Variants in TRIM5 observed in about 807,000 individuals in gnomAD.
TRIM5 encodes tripartite motif-containing protein 5.
Under a neutral mutation model 35.6 loss-of-function variants are expected in TRIM5, and 31 were observed. That is an observed-to-expected ratio of 0.87 (90% CI 0.65 to 1.18). The LOEUF is 1.18. Ranked by LOEUF, TRIM5 falls within the 50% of genes most tolerant of loss-of-function variation. TRIM5 has a pLI of 0.00. For synonymous variants in TRIM5, 243 were observed against 215.6 expected, an observed-to-expected ratio of 1.13 and a Z score of -1.11; for missense variants, 609 against 591.6, an observed-to-expected ratio of 1.03 and a Z score of -0.31.
At chr11:5,678,778 C>T (rs761154779) in intron 3 of TRIM5, among the ~76,000 whole-genome samples, 1 of 152,114 alleles carries the variant, frequency 6.6e-6, no homozygotes, top group Non-Finnish European at 1.5e-5. Context: ...AATCATGAGC[C>T]ATTGCCAAAT....
chr11:5,663,116 C>A, downstream of TRIM5: 1 of 569,288 alleles, frequency 1.8e-6, no homozygotes, highest in South Asian at 7.9e-5. Context: ...CAGAGACAAA[C>A]CCTGTCTCAA....
chr11:5,613,027 A>C, the TRIM5 span: 1 of 152,166 alleles, frequency 6.6e-6, no homozygotes, highest in African/African-American at 2.4e-5. Flanking sequence ...TTGTATTTCT[A>C]TTGGACAACT....
chr11:5,632,531 A>T, the TRIM5 span: 2 of 1,614,000 alleles, frequency 1.2e-6, no homozygotes, highest in Non-Finnish European at 1.7e-6. Flanking sequence ...TCATTTGAAC[A>T]TCTACAGGCT....
At chr11:5,628,433 G>T in the TRIM5 span, among the ~76,000 whole-genome samples, 3 of 152,252 alleles carry the variant, frequency 2.0e-5, no homozygotes, top group African/African-American at 7.2e-5. Context: ...TTGTAGCCAG[G>T]GGCTACCAGT....
the TRIM5 span, among the ~76,000 whole-genome samples, chr11:5,630,138 CTA>C: frequency 6.6e-6 from 1 of 152,004 alleles, no homozygotes; most frequent in South Asian, 2.1e-4. Flanking sequence ...TTCCAGGGCC[CTA>C]CAGAGAATAT....
Position 5,665,059 on chromosome 11 carries a change from CT to C in TRIM5, c.1231del (p.Ser411ValfsTer21). The stretch of plus-strand genomic sequence containing the variant: ...ATGGAAGGAACTATCCTGGAAAGCA[CT>C]ACATTTAACTCCTTCCTCTAACCCT... ...VIGLEEGVKC[S>X]AFQDSSFHTP... On this transcript the variant is annotated frameshift_variant, in exon 8 of 8. Transcript: ENST00000380034. LOFTEE classifies it low-confidence loss of function (END_TRUNC). 6.2e-7 allele frequency: 1 copy of C among 1,614,080 alleles called. No individual in the cohort carries two copies. Among genetic ancestry groups the C allele is most frequent in the Non-Finnish European group, 8.5e-7 (1 of 1,180,014 alleles).
the TRIM5 span, among the ~76,000 whole-genome samples, chr11:5,602,520 G>C: frequency 1.3e-5 from 2 of 151,882 alleles, no homozygotes; most frequent in African/African-American, 4.8e-5. Flanking sequence ...TCTGATAAGG[G>C]AATAGGTAGG....
rs536990268 is a variant in TRIM5, at chr11:5,669,103, C to T, written c.745-1392G>A. On this transcript the variant is annotated intron_variant, in intron 4 of 7. Coordinates refer to ENST00000380034, the MANE Select transcript of TRIM5 (RefSeq NM_033034.3). Reference sequence around the variant, plus strand: ...TTCTTTTTTTTTTTTTTTTTTGATACGGGGTTTCGCTCGTTTCCCAGGCTG... The same window carrying T: ...TTCTTTTTTTTTTTTTTTTTTGATATGGGGTTTCGCTCGTTTCCCAGGCTG... Among the ~76,000 whole-genome samples the T allele has an allele frequency of 1.5e-4, 17 of 116,800 alleles. No homozygotes were observed. The South Asian group carries it at 2.5e-3, about 17-fold the overall frequency. The allele number at this position is 116,800 out of a possible 152,430, so 76.6% of individuals were successfully genotyped here.
At chr11:5,593,478 T>A in the TRIM5 span, among the ~76,000 whole-genome samples, 3 of 152,162 alleles carry the variant, frequency 2.0e-5, no homozygotes, top group African/African-American at 7.2e-5. Flanking sequence ...TCAAAGAAAA[T>A]ATATTCGAGC....
At chr11:5,657,038 A>G in the TRIM5 span, among the ~76,000 whole-genome samples, 1 of 152,204 alleles carries the variant, frequency 6.6e-6, no homozygotes, top group Non-Finnish European at 1.5e-5. Flanking sequence ...ACTATTCACA[A>G]TAGCAAAGAT....
chr11:5,676,218 G>A (rs1851968500), intron 4 of TRIM5, among the ~76,000 whole-genome samples: 1 of 152,074 alleles, frequency 6.6e-6, no homozygotes, highest in African/African-American at 2.4e-5. Context: ...TATATACCCA[G>A]TAATGGGATG....
At chr11:5,679,269 A>T (rs1310554413) in intron 2 of TRIM5, 100 bp from the exon 3 acceptor site, 7 of 1,041,776 alleles carry the variant, frequency 6.7e-6, no homozygotes, top group Non-Finnish European at 1.0e-5. Context: ...AGAAGAAACA[A>T]ATTTGCAGAA....
At chr11:5,682,595 C>G (rs1852573953) in intron 1 of TRIM5, among the ~76,000 whole-genome samples, 1 of 152,190 alleles carries the variant, frequency 6.6e-6, no homozygotes, top group Non-Finnish European at 1.5e-5. Flanking sequence ...ATCTTGACCC[C>G]TGACCAGATC....
the TRIM5 span, chr11:5,643,110 T>C: frequency 1.8e-6 from 2 of 1,103,984 alleles, no homozygotes; most frequent in Non-Finnish European, 2.3e-6. Context: ...ATTATATTCA[T>C]ATACATATAT....
the TRIM5 span, among the ~76,000 whole-genome samples, chr11:5,615,504 TCTA>T: frequency 6.6e-6 from 1 of 152,188 alleles, no homozygotes; most frequent in African/African-American, 2.4e-5. Flanking sequence ...ACCCTCTATC[TCTA>T]CTAATATCTT....
the TRIM5 span, chr11:5,603,363 C>G: frequency 6.2e-7 from 1 of 1,613,952 alleles, no homozygotes; most frequent in Non-Finnish European, 8.5e-7. Flanking sequence ...CCTGCCCTAT[C>G]TGCCTGGAGC....
the TRIM5 span, among the ~76,000 whole-genome samples, chr11:5,625,384 C>T: frequency 6.6e-6 from 1 of 152,332 alleles, no homozygotes; most frequent in East Asian, 1.9e-4. Context: ...AATTCTCTCT[C>T]TCTCTTTCTC....
chr11:5,632,186 T>TGA, the TRIM5 span: 62 of 1,516,618 alleles, frequency 4.1e-5, 1 homozygote, highest in South Asian at 7.8e-4. Context: ...GGCCAGTCTT[T>TGA]ATTGTCTGTG....
chr11:5,627,631 G>T, the TRIM5 span, among the ~76,000 whole-genome samples: 2 of 152,310 alleles, frequency 1.3e-5, no homozygotes, highest in East Asian at 3.9e-4. Context: ...CTCTTGGGGA[G>T]AGAGTCATTA....
Sources: allele counts gnomAD v4.1 joint callset (sites outside exome capture counted in the v4.1 genomes callset), GRCh38; gene constraint gnomAD v4.1.1; transcripts MANE v1.5; gene names NCBI Gene and HGNC (gene_info 2026-07-23, HGNC 2026-07-21).